HELZ2: variants seen among roughly 807,000 people sequenced by gnomAD.
HELZ2 encodes the protein 3'-5' exoribonuclease HELZ2.
In HELZ2, 143 loss-of-function variants were observed where a neutral mutation model predicts 208.8. The ratio of observed to expected loss-of-function variants is 0.68; its 90% CI spans 0.60 to 0.79. The LOEUF is 0.79. HELZ2 is among the 30% of genes least tolerant of loss of function. HELZ2 has a pLI of 0.00. For synonymous variants in HELZ2, 1,705 were observed against 1,693.7 expected (o/e 1.01, Z -0.16); for missense variants, 3,690 against 3,794.5 (o/e 0.97, Z 0.72).
At chr20:63,563,782 G>C (rs374645950) in exon 8 of HELZ2, 7 of 1,604,408 alleles carry the variant, frequency 4.4e-6, no homozygotes, top group Non-Finnish European at 5.9e-6. Flanking sequence ...GCAACACCAC[G>C]TCCAGGTACC....
At chr20:63,567,708 C>A (rs893759322) in intron 5 of HELZ2, 81 bp from the exon 7 acceptor site, 1 of 1,502,120 alleles carries the variant, frequency 6.7e-7, no homozygotes, top group African/African-American at 1.4e-5. Context: ...TGTGCCCAGC[C>A]GAGCTGCCCC....
chr20:63,559,464 A>G (rs2082855689), intron 18 of HELZ2, 94 bp from the exon 20 acceptor site: 1 of 1,027,310 alleles, frequency 9.7e-7, no homozygotes, highest in Admixed American at 4.0e-5. Context: ...GGAGTCAGTC[A>G]GGGTCAGGTG....
exon 8 of HELZ2, chr20:63,565,616 T>C (rs2082944727): frequency 1.9e-6 from 3 of 1,610,658 alleles, no homozygotes; most frequent in Non-Finnish European, 2.5e-6. Context: ...GTCGTCAGCG[T>C]TGAGCTCCCC....
In HELZ2 at chr20:63,564,800, A is replaced by T; in HGVS notation, c.4022T>A (p.Leu1341Ter). The T allele has an allele frequency of 6.2e-7, 1 of 1,610,318 alleles. No individual in the cohort carries two copies. The highest frequency in any genetic ancestry group is 8.5e-7 in the Non-Finnish European group (1 of 1,177,894). ...GCCCTGGGGGTCCACAGTGAAGGTCAAGAAGGCGCGGCAGTCCTCTCGGCG... is the reference window on the plus strand; with the variant it reads ...GCCCTGGGGGTCCACAGTGAAGGTCTAGAAGGCGCGGCAGTCCTCTCGGCG... The change falls in exon 8 of 19, where the codon TTG (leucine) becomes TAG (stop). Residue 1341 changes from leucine (L) to a stop codon, truncating the protein, a stop_gained. Transcript: ENST00000467148. LOFTEE classifies it high-confidence loss of function.
Position 63,563,248 on chromosome 20 carries a change from C to A in HELZ2, c.5574G>T (p.Glu1858Asp), listed in dbSNP as rs746112082. 2.6e-6 allele frequency: 4 copies of A among 1,552,630 alleles called. No homozygotes were observed. In the South Asian group the frequency reaches 3.5e-5, roughly 14 times the overall value. Residue 1858 changes from glutamate (E) to aspartate (D), a missense_variant, in exon 8 of 19, where the codon GAG (glutamate) becomes GAT (aspartate). Coordinates refer to ENST00000467148, the Ensembl canonical transcript of HELZ2. ...AGTGGCTCCGCTGCACCTGCACCAG[C>A]TCCCGCCGCTGGGACGCCTCGCCCT...
exon 8 of HELZ2, chr20:63,564,686 A>G (rs2082929769): frequency 6.3e-7 from 1 of 1,593,432 alleles, no homozygotes; most frequent in East Asian, 2.3e-5. Context: ...GTCCCTGGGC[A>G]CGAAGCTGGC....
rs1451947260 is a variant in HELZ2, at chr20:63,565,355, T to TG, written c.3466dup (p.Gln1156ProfsTer16). 4.4e-6 allele frequency: 7 copies of TG among 1,607,312 alleles called. No individual in the cohort carries two copies. Among genetic ancestry groups the TG allele is most frequent in the Non-Finnish European group, 4.2e-6 (5 of 1,177,938 alleles). ...CCCACAGTCCAGGCGGCCCCTGACCTGGATGGGGCCCGAGGAGGCATCGTC... is the reference window on the plus strand; with the variant it reads ...CCCACAGTCCAGGCGGCCCCTGACCTGGGATGGGGCCCGAGGAGGCATCGTC... On this transcript the variant is annotated frameshift_variant, in exon 8 of 19. Transcript: ENST00000467148. LOFTEE classifies it high-confidence loss of function.
At position 63,570,620 on chromosome 20, in the gene HELZ2, AAGTCT is replaced by A. The variant is rs748488275; in HGVS notation, c.463-14_463-10del. 6.2e-6 allele frequency: 10 copies of A among 1,605,218 alleles called. No homozygotes were observed. The African/African-American group carries it at 1.1e-4, about 17-fold the overall frequency. ...TCAAGGGTCTCTGCCAGCTGCGTGGAAGTCTAGCCTTCAGCAAGAGGCCTGGACCC... is the reference window on the plus strand; with the variant it reads ...TCAAGGGTCTCTGCCAGCTGCGTGGAAGCCTTCAGCAAGAGGCCTGGACCC... On this transcript the variant is annotated splice_polypyrimidine_tract_variant and intron_variant, in intron 2 of 18. Transcript: ENST00000467148.
At position 63,566,913 on chromosome 20, in the gene HELZ2, G is replaced by A. The variant is rs779843578; in HGVS notation, c.2445C>T (p.Tyr815=). Residue 815 remains tyrosine (Y), a synonymous_variant, in exon 6 of 19, where the codon TAC becomes TAT. Transcript: ENST00000467148. ...CGCCCCAGCAGCTGGGCCAGGTGTT[G>A]TAGGCCTCCTGCACCTTCTCGACGA... 5.0e-6 allele frequency: 8 copies of A among 1,609,650 alleles called. No individual in the cohort carries two copies. In the East Asian group the frequency reaches 6.7e-5, roughly 13 times the overall value.
chr20:63,567,588 G>A (rs112038983), exon 6 of HELZ2: 66 of 1,596,880 alleles, frequency 4.1e-5, no homozygotes, highest in African/African-American at 3.6e-4. Context: ...CGCCGCTGAC[G>A]TGGCTGTGGA....
At chr20:63,560,821 G>A in exon 15 of HELZ2, 2 of 1,612,876 alleles carry the variant, frequency 1.2e-6, no homozygotes, top group African/African-American at 2.7e-5. Flanking sequence ...TCCAGCATAT[G>A]TGCGTCCTCG....
chr20:63,561,567 C>A, intron 12 of HELZ2, 34 bp downstream of exon 13: 1 of 1,584,274 alleles, frequency 6.3e-7, no homozygotes, highest in Non-Finnish European at 8.6e-7. Flanking sequence ...AGCTCGGCCC[C>A]ACTCCGCCCA....
exon 6 of HELZ2, chr20:63,567,424 A>G: frequency 1.3e-6 from 2 of 1,570,258 alleles, no homozygotes; most frequent in Non-Finnish European, 8.6e-7. Flanking sequence ...GGTGGTGGTG[A>G]CCACCACGCG....
rs141914575 is a variant in HELZ2, at chr20:63,564,848, G to A, written c.3974C>T (p.Thr1325Met). 128 of 1,611,662 alleles carry A rather than the reference G, an allele frequency of 7.9e-5. No individual in the cohort carries two copies. Among genetic ancestry groups the A allele is most frequent in the East Asian group, 4.2e-4 (19 of 44,848 alleles). ...GCGGCCGGCAACCCGGCCAAGCTCC[G>A]TGTGGTATTTCTGCAGCACCTTGGT... The change falls in exon 8 of 19, where the codon ACG (threonine) becomes ATG (methionine). Residue 1325 changes from threonine to methionine, a missense_variant. Physicochemically the swap from Thr to Met is moderately conservative, Grantham distance 81. Transcript: ENST00000467148.
exon 8 of HELZ2, chr20:63,563,835 G>A: frequency 6.3e-7 from 1 of 1,596,918 alleles, no homozygotes; most frequent in East Asian, 2.3e-5. Context: ...TCCACCTGCA[G>A]CGAGTAGTGG....
exon 18 of HELZ2, chr20:63,560,034 G>A: frequency 6.2e-7 from 1 of 1,611,460 alleles, no homozygotes; most frequent in South Asian, 1.1e-5. Context: ...TGGGCCGCTG[G>A]TCCAGGTCGC....
chr20:63,573,653 C>T (rs2083033682), upstream of HELZ2, among the ~76,000 whole-genome samples: 1 of 152,158 alleles, frequency 6.6e-6, no homozygotes, highest in Non-Finnish European at 1.5e-5. This position sits in a 1 kb window ranked among gnomAD's most constrained non-coding sequence, Gnocchi z 4.9. Flanking sequence ...ACCTCCTTTT[C>T]TATTGAATGA....
chr20:63,561,736 A>G (rs1242134127), exon 12 of HELZ2: 1 of 1,602,558 alleles, frequency 6.2e-7, no homozygotes, highest in Non-Finnish European at 8.5e-7. Flanking sequence ...CATCCTTCTC[A>G]GGAGCAGTCC....
At chr20:63,561,320 C>A in intron 13 of HELZ2, 30 bp downstream of exon 14, 4 of 1,612,660 alleles carry the variant, frequency 2.5e-6, no homozygotes, top group Non-Finnish European at 3.4e-6. Context: ...ATGCTGCAGG[C>A]AGCTCCACCC....
Sources: allele counts gnomAD v4.1 joint callset (sites outside exome capture counted in the v4.1 genomes callset), GRCh38; gene constraint gnomAD v4.1.1; non-coding constraint Gnocchi (gnomAD v3.1); transcripts MANE v1.5; gene names NCBI Gene and HGNC (gene_info 2026-07-23, HGNC 2026-07-21).